The following CMYA5 variants were observed in gnomAD, a reference collection of about 807,000 sequenced individuals.
CMYA5 encodes cardiomyopathy-associated protein 5.
In CMYA5, 246 loss-of-function variants were observed where a neutral mutation model predicts 318.9. That is an observed-to-expected ratio of 0.77 (90% CI 0.70 to 0.86). CMYA5 has a LOEUF of 0.86. CMYA5 is among the 40% of genes least tolerant of loss of function. The pLI is 0.00. For missense variants in CMYA5, 4,589 were observed against 4,678.2 expected (o/e 0.98, Z 0.56); for synonymous variants, 1,641 against 1,729.5 (o/e 0.95, Z 1.27).
chr5:79,742,165 C>T (rs1828229157), intron 2 of CMYA5, among the ~76,000 whole-genome samples: 2 of 141,294 alleles, frequency 1.4e-5, no homozygotes, highest in Admixed American at 1.5e-4. Context: ...CCTTTCCCCC[C>T]TCCTCCTCCT....
At chr5:79,720,598 A>G (rs1827606912) in intron 1 of CMYA5, among the ~76,000 whole-genome samples, 1 of 151,858 alleles carries the variant, frequency 6.6e-6, no homozygotes, top group African/African-American at 2.4e-5. Context: ...CACCATGCCC[A>G]GCTAATTTTG....
intron 6 of CMYA5, among the ~76,000 whole-genome samples, chr5:79,755,074 G>T (rs1356409112): frequency 6.6e-6 from 1 of 152,112 alleles, no homozygotes; most frequent in Non-Finnish European, 1.5e-5. Context: ...TGTGAATAAT[G>T]CTGCTCCCCT....
chr5:79,737,997 G>T lies in CMYA5; in HGVS notation c.9232G>T (p.Val3078Phe). ...EKQKAPQKLN[V>F]EEKLSKEVTE... ...ACAGAAAGCTCCACAGAAATTAAATGTTGAAGAGAAACTCTCAAAGGAAGT... is the reference window on the plus strand; with the variant it reads ...ACAGAAAGCTCCACAGAAATTAAATTTTGAAGAGAAACTCTCAAAGGAAGT... Residue 3078 changes from valine to phenylalanine, a missense_variant, in exon 2 of 13, where the codon GTT (valine) becomes TTT (phenylalanine). By Grantham distance (50) the Val-to-Phe change is conservative. This residue lies in a region of CMYA5 where 2,431 missense variants were observed against 2,495.1 expected (regional missense o/e 0.97). Coordinates refer to ENST00000446378, the MANE Select transcript of CMYA5 (RefSeq NM_153610.5). 1 of 1,613,542 alleles carries T rather than the reference G, an allele frequency of 6.2e-7. No homozygotes were observed. The highest frequency in any genetic ancestry group is 8.5e-7 in the Non-Finnish European group (1 of 1,179,680).
At chr5:79,691,821 G>C (rs1283285762) in intron 1 of CMYA5, among the ~76,000 whole-genome samples, 1 of 152,218 alleles carries the variant, frequency 6.6e-6, no homozygotes, top group Non-Finnish European at 1.5e-5. Flanking sequence ...TTGGGGGACA[G>C]CTTAATTTTA....
intron 5 of CMYA5, among the ~76,000 whole-genome samples, chr5:79,749,896 T>C (rs557470364): frequency 6.6e-6 from 1 of 152,320 alleles, no homozygotes; most frequent in Admixed American, 6.5e-5. Flanking sequence ...TGAGCTCAAG[T>C]GTTGTGAATC....
chr5:79,757,228 A>G (rs777677703), intron 6 of CMYA5, among the ~76,000 whole-genome samples: 3 of 151,626 alleles, frequency 2.0e-5, no homozygotes, highest in Non-Finnish European at 2.9e-5. Flanking sequence ...TATTTTTTCA[A>G]CTATGGGAAT....
intron 10 of CMYA5, 148 bp from the exon 11 acceptor site, chr5:79,790,822 T>C: frequency 1.6e-6 from 1 of 612,612 alleles, no homozygotes; most frequent in South Asian, 2.0e-5. Flanking sequence ...TTATCATGAG[T>C]GAAGTTTTCA....
intron 1 of CMYA5, among the ~76,000 whole-genome samples, chr5:79,700,388 T>G (rs1390735693): frequency 6.6e-6 from 1 of 152,100 alleles, no homozygotes; most frequent in Non-Finnish European, 1.5e-5. Flanking sequence ...ACTGCTCAAT[T>G]TAAGCAGAAA....
rs6892274 is a variant in CMYA5 at position 79,737,072 on chromosome 5, A to T, written c.8307A>T (p.Leu2769=). Residue 2769 remains leucine, a synonymous_variant, in exon 2 of 13, where the codon CTA becomes CTT. Transcript: ENST00000446378. ...EEKEQFKESE[L]WKGGSVDITK... The stretch of plus-strand genomic sequence containing the variant: ...AAGAACAGTTCAAAGAGTCAGAGCT[A>T]TGGAAAGGTGGTTCAGTAGATATCA... The T allele has an allele frequency of 5.6e-6, 9 of 1,613,802 alleles. No individual in the cohort carries two copies. In the East Asian group the frequency reaches 1.6e-4, roughly 28 times the overall value.
At chr5:79,799,334 C>T (rs761974700) in intron 12 of CMYA5, 36 bp from the exon 13 acceptor site, 3 of 1,565,672 alleles carry the variant, frequency 1.9e-6, no homozygotes, top group Admixed American at 1.8e-5. Flanking sequence ...CTTGAGATTT[C>T]CAGAGTTTTA....
At chr5:79,777,393 A>G (rs1377623353) in intron 9 of CMYA5, among the ~76,000 whole-genome samples, 2 of 152,190 alleles carry the variant, frequency 1.3e-5, no homozygotes, top group African/African-American at 4.8e-5. Flanking sequence ...CATACTATAT[A>G]TGTTTCACCA....
In CMYA5 at chr5:79,735,160, G is replaced by A. The variant is rs79193094; in HGVS notation, c.6395G>A (p.Arg2132Lys). The change falls in exon 2 of 13, where the codon AGA (arginine) becomes AAA (lysine). Residue 2132 changes from arginine (R) to lysine (K), a missense_variant. Arg to Lys is a conservative substitution (Grantham distance 26). Around this residue, in one of 3 missense-constraint regions of CMYA5, gnomAD observed 2,431 missense variants for 2,495.1 expected, o/e 0.97. Coordinates refer to ENST00000446378, the MANE Select transcript of CMYA5 (RefSeq NM_153610.5). The part of the protein sequence containing the change: ...PSPEVKIPTQ[R>K]KPISSIHARE... The stretch of plus-strand genomic sequence containing the variant: ...CCTGAAGTAAAAATACCCACACAAA[G>A]AAAACCCATCTCCTCAATCCATGCA... 1.4e-4 allele frequency: 227 copies of A among 1,613,454 alleles called. No homozygotes were observed. In the African/African-American group the frequency reaches 2.8e-3, roughly 20 times the overall value.
intron 11 of CMYA5, among the ~76,000 whole-genome samples, chr5:79,791,796 T>C (rs1168170676): frequency 6.6e-6 from 1 of 151,110 alleles, no homozygotes; most frequent in Non-Finnish European, 1.5e-5. Context: ...CTTGCTTCCG[T>C]AGTAGCTCCC....
At chr5:79,715,044 T>TG (rs1179578942) in intron 1 of CMYA5, among the ~76,000 whole-genome samples, 1 of 152,160 alleles carries the variant, frequency 6.6e-6, no homozygotes, top group East Asian at 1.9e-4. Context: ...CTATGTAGAT[T>TG]AATTTTTTAT....
Position 79,791,058 on chromosome 5 carries a change from A to G in CMYA5, c.11778A>G (p.Arg3926=), listed in dbSNP as rs779072951. 5 of 1,612,442 alleles carry G rather than the reference A, an allele frequency of 3.1e-6. No homozygotes were observed. In the African/African-American group the frequency reaches 4.0e-5, roughly 13 times the overall value. ...CAGTGATCAGCTTTGGTGAGAGGAG[A>G]CGGCTGACGGAGTAAGTAGAAGAAG... ...SGTVISFGER[R]RLTEIPSVLG... Residue 3926 remains arginine, a synonymous_variant, in exon 11 of 13, where the codon AGA becomes AGG. Transcript: ENST00000446378.
chr5:79,784,440 C>T (rs1341308800), intron 9 of CMYA5, among the ~76,000 whole-genome samples: 4 of 36,392 alleles, frequency 1.1e-4, no homozygotes, highest in Admixed American at 3.8e-4. Context: ...CTGTGGTGGG[C>T]TCCACCCAGT....
In CMYA5 at chr5:79,738,562, G is replaced by C; in HGVS notation, c.9797G>C (p.Arg3266Pro). The change falls in exon 2 of 13, where the codon CGA becomes CCA. Residue 3266 changes from arginine to proline, a missense_variant. Physicochemically the swap from Arg to Pro is moderately radical, Grantham distance 103 (BLOSUM62 -2). Transcript: ENST00000446378. ...KDQGQGLEEK[R>P]VGKDDSYQPI... is the part of the protein sequence containing the mutation. ...CAGGGCCAAGGTCTGGAAGAAAAAC[G>C]AGTTGGTAAGGATGATTCATACCAA... is the stretch of plus-strand genomic sequence containing the variant. The C allele has an allele frequency of 6.2e-7, 1 of 1,613,446 alleles. No individual in the cohort carries two copies. Among genetic ancestry groups the C allele is most frequent in the Non-Finnish European group, 8.5e-7 (1 of 1,179,862 alleles).
In CMYA5 at chr5:79,754,973, C is replaced by T. The variant is rs116303500; in HGVS notation, c.11110+2179C>T. ...TTTGTTTAACTTAGAGTAATATCCT[C>T]AAAGCTTACCATGTTGTAACGTGAA... On this transcript the variant is annotated intron_variant, in intron 6 of 12. Coordinates refer to ENST00000446378, the MANE Select transcript of CMYA5 (RefSeq NM_153610.5). Among the ~76,000 whole-genome samples the T allele has an allele frequency of 6.3e-3, 962 of 152,264 alleles. 9 individuals are homozygous for T. The highest frequency in any genetic ancestry group is 0.021 in the African/African-American group (886 of 41,540).
At chr5:79,709,960 CAAA>C (rs61657639) in intron 1 of CMYA5, among the ~76,000 whole-genome samples, 1 of 24,322 alleles carries the variant, frequency 4.1e-5, no homozygotes, top group African/African-American at 1.5e-4. Context: ...GACTCCATCT[CAAA>C]AAAAAAAAAA....
Sources: allele counts gnomAD v4.1 joint callset (sites outside exome capture counted in the v4.1 genomes callset), GRCh38; gene constraint gnomAD v4.1.1; regional missense constraint gnomAD v4.1.1; transcripts MANE v1.5; gene names NCBI Gene and HGNC (gene_info 2026-07-23, HGNC 2026-07-21).